Variants in ESRRG observed in about 807,000 individuals in gnomAD.
ESRRG encodes estrogen related receptor gamma.
Under a neutral mutation model 44.0 loss-of-function variants are expected in ESRRG, and 13 were observed. The ratio of observed to expected loss-of-function variants is 0.30; its 90% CI spans 0.19 to 0.47. ESRRG has a LOEUF of 0.47. ESRRG is among the 20% of genes least tolerant of loss of function. ESRRG has a pLI of 1.00. For synonymous variants in ESRRG, 215 were observed against 214.6 expected (o/e 1.00, Z -0.02); for missense variants, 395 against 580.6 (o/e 0.68, Z 3.29).
intron 2 of ESRRG, among the ~76,000 whole-genome samples, chr1:216,664,115 A>G (rs1433808060): frequency 6.6e-6 from 1 of 152,192 alleles, no homozygotes; most frequent in Non-Finnish European, 1.5e-5. Flanking sequence ...TTAATAACTT[A>G]AATGATTTTG....
At chr1:216,615,752 T>TTC (rs1553421050) in intron 3 of ESRRG, among the ~76,000 whole-genome samples, 1 of 151,028 alleles carries the variant, frequency 6.6e-6, no homozygotes, top group African/African-American at 2.4e-5. Flanking sequence ...TTTTTTTTTT[T>TTC]CCTGAGATGG....
chr1:217,037,588 C>T (rs1464451706), intron 1 of ESRRG, among the ~76,000 whole-genome samples: 1 of 152,084 alleles, frequency 6.6e-6, no homozygotes, highest in African/African-American at 2.4e-5. Flanking sequence ...GGTGGGGACA[C>T]AGCCAAGTCA....
chr1:216,511,476 G>T (rs147034990), intron 6 of ESRRG, among the ~76,000 whole-genome samples: 5 of 148,582 alleles, frequency 3.4e-5, no homozygotes, highest in Admixed American at 6.7e-5. Context: ...GCAACTACAT[G>T]ACAAAACTAA....
intron 5 of ESRRG, among the ~76,000 whole-genome samples, chr1:216,529,139 G>A (rs553751389): frequency 2.6e-5 from 4 of 152,248 alleles, no homozygotes; most frequent in South Asian, 2.1e-4. Context: ...TCTACCTGCT[G>A]TGGGAACCTG....
intron 1 of ESRRG, among the ~76,000 whole-genome samples, chr1:216,962,039 T>C (rs1003362840): frequency 8.2e-6 from 1 of 121,878 alleles, no homozygotes; most frequent in Non-Finnish European, 2.0e-5. Flanking sequence ...CATGACATAA[T>C]TGTTACAGCC....
chr1:216,905,823 A>G (rs1351153098), intron 2 of ESRRG, among the ~76,000 whole-genome samples: 1 of 152,214 alleles, frequency 6.6e-6, no homozygotes, highest in Non-Finnish European at 1.5e-5. Flanking sequence ...AGCACACTGC[A>G]ACCTCCAACC....
intron 2 of ESRRG, among the ~76,000 whole-genome samples, chr1:216,670,070 C>T (rs2074848109): frequency 6.6e-6 from 1 of 152,142 alleles, no homozygotes; most frequent in Admixed American, 6.5e-5. Flanking sequence ...TTTAAAGCTA[C>T]CAATTACTAT....
intron 1 of ESRRG, among the ~76,000 whole-genome samples, chr1:216,991,988 T>A (rs1160185224): frequency 6.6e-6 from 1 of 152,192 alleles, no homozygotes; most frequent in South Asian, 2.1e-4. Context: ...CCCTAACCTT[T>A]ACCAGACAGT....
chr1:216,797,554 A>G (rs202206740), intron 2 of ESRRG, among the ~76,000 whole-genome samples: 5 of 151,450 alleles, frequency 3.3e-5, no homozygotes, highest in African/African-American at 7.3e-5. Flanking sequence ...TAAAGGGGGG[A>G]AAAAAATCCC....
intron 1 of ESRRG, among the ~76,000 whole-genome samples, chr1:217,084,593 C>T (rs1224995706): frequency 6.6e-6 from 1 of 152,046 alleles, no homozygotes; most frequent in Non-Finnish European, 1.5e-5. Flanking sequence ...ATGTTGGCAA[C>T]CTGAATTTAA....
At chr1:217,037,764 G>A (rs1429569113) in intron 1 of ESRRG, among the ~76,000 whole-genome samples, 1 of 152,148 alleles carries the variant, frequency 6.6e-6, no homozygotes, top group Non-Finnish European at 1.5e-5. Flanking sequence ...CCAAGAGCCT[G>A]TAAAATCAAA....
At chr1:217,029,541 C>T (rs545264817) in intron 1 of ESRRG, among the ~76,000 whole-genome samples, 7 of 152,164 alleles carry the variant, frequency 4.6e-5, no homozygotes, top group Admixed American at 6.5e-5. Context: ...TGTTGCGAAA[C>T]GCATTATATA....
chr1:217,109,920 T>A (rs1013690692), intron 1 of ESRRG, among the ~76,000 whole-genome samples: 1 of 152,178 alleles, frequency 6.6e-6, no homozygotes, highest in Non-Finnish European at 1.5e-5. Context: ...GCACACCATA[T>A]CCTTAAAGGG....
At chr1:216,819,582 T>G (rs951582466) in intron 2 of ESRRG, among the ~76,000 whole-genome samples, 1 of 152,196 alleles carries the variant, frequency 6.6e-6, no homozygotes, top group Non-Finnish European at 1.5e-5. Context: ...TCCATTATTT[T>G]CTCTCCTGCA....
intron 2 of ESRRG, among the ~76,000 whole-genome samples, chr1:216,810,103 T>C (rs868200787): frequency 6.6e-6 from 1 of 152,108 alleles, no homozygotes. Context: ...TCTTAGAATC[T>C]TTTATGAGTG....
intron 2 of ESRRG, among the ~76,000 whole-genome samples, chr1:216,736,974 T>C (rs1559463461): frequency 6.6e-6 from 1 of 152,208 alleles, no homozygotes; most frequent in Non-Finnish European, 1.5e-5. Context: ...GTTATTCATA[T>C]ATTCTCCACC....
At position 216,506,704 on chromosome 1, in the gene ESRRG, GAGAA is replaced by G. The variant is rs1044068423; in HGVS notation, c.*231_*234del. ...AAAGAAGAAAAGGAGAAAAAATAAA[GAGAA>G]AGAGAAATGTGGGAAGAAAGAGGAA... On this transcript the variant is annotated 3_prime_UTR_variant, in exon 7 of 7. Coordinates refer to ENST00000408911, the MANE Select transcript of ESRRG (RefSeq NM_001438.4). 1.6e-6 allele frequency: 1 copy of G among 613,782 alleles called. No homozygotes were observed. The highest frequency in any genetic ancestry group is 2.9e-6 in the Non-Finnish European group (1 of 341,006). The allele number at this position is 613,782 out of a possible 1,614,324, so 38.0% of individuals were successfully genotyped here. A position where few individuals can be genotyped will look rare whatever the true frequency, so the allele number is the denominator to read the frequency against.
chr1:216,973,692 G>A (rs865850323), intron 1 of ESRRG, among the ~76,000 whole-genome samples: 33 of 151,972 alleles, frequency 2.2e-4, no homozygotes, highest in Middle Eastern at 3.2e-3. Context: ...TGGGTGTGGC[G>A]GTACATGGTT....
At chr1:216,621,358 G>C (rs2062209468) in intron 3 of ESRRG, among the ~76,000 whole-genome samples, 1 of 152,074 alleles carries the variant, frequency 6.6e-6, no homozygotes, top group South Asian at 2.1e-4. Context: ...GCAATATCAA[G>C]AGCCACACAG....
Sources: allele counts gnomAD v4.1 joint callset (sites outside exome capture counted in the v4.1 genomes callset), GRCh38; gene constraint gnomAD v4.1.1; transcripts MANE v1.5; gene names NCBI Gene and HGNC (gene_info 2026-07-23, HGNC 2026-07-21).